ABTB3: variants seen among roughly 807,000 people sequenced by gnomAD.
The protein encoded by ABTB3 is ankyrin repeat and BTB domain containing 3.
the ABTB3 span, among the ~76,000 whole-genome samples, chr12:107,394,338 T>C: frequency 1.3e-5 from 2 of 152,192 alleles, no homozygotes; most frequent in African/African-American, 4.8e-5. Flanking sequence ...GCTTTTTCAT[T>C]AGGAAGGTTT....
chr12:107,603,191 A>G, the ABTB3 span, among the ~76,000 whole-genome samples: 7 of 152,230 alleles, frequency 4.6e-5, no homozygotes, highest in African/African-American at 1.2e-4. Flanking sequence ...AACTTTCTGG[A>G]AAGACTGTAT....
the ABTB3 span, among the ~76,000 whole-genome samples, chr12:107,473,086 G>T: frequency 6.6e-6 from 1 of 152,316 alleles, no homozygotes; most frequent in East Asian, 1.9e-4. Context: ...GTCCTGTGTG[G>T]CAGCTTTGTG....
At chr12:107,553,152 A>T in the ABTB3 span, among the ~76,000 whole-genome samples, 4 of 152,224 alleles carry the variant, frequency 2.6e-5, no homozygotes, top group African/African-American at 9.6e-5. Flanking sequence ...ATGCATGATC[A>T]TTGACACCAT....
At chr12:107,574,197 C>T in the ABTB3 span, among the ~76,000 whole-genome samples, 1 of 152,168 alleles carries the variant, frequency 6.6e-6, no homozygotes, top group Non-Finnish European at 1.5e-5. Flanking sequence ...GCCTCACTTG[C>T]AGCTTGGCAA....
chr12:107,336,215 G>A, the ABTB3 span, among the ~76,000 whole-genome samples: 1 of 152,226 alleles, frequency 6.6e-6, no homozygotes, highest in Non-Finnish European at 1.5e-5. Flanking sequence ...TCCACCTGAT[G>A]GCTCTCAAAG....
At chr12:107,506,963 T>G in the ABTB3 span, among the ~76,000 whole-genome samples, 4 of 152,218 alleles carry the variant, frequency 2.6e-5, no homozygotes, top group Non-Finnish European at 4.4e-5. Flanking sequence ...TATTGTTTTA[T>G]CTCTTTCTTA....
the ABTB3 span, among the ~76,000 whole-genome samples, chr12:107,397,636 C>G: frequency 0.53 from 80,313 of 151,838 alleles, 21,740 homozygotes; most frequent in Middle Eastern, 0.68. Context: ...TCAAATTGAT[C>G]TTTTCTTTTA....
At chr12:107,395,605 C>T in the ABTB3 span, among the ~76,000 whole-genome samples, 2 of 152,224 alleles carry the variant, frequency 1.3e-5, no homozygotes, top group African/African-American at 2.4e-5. Context: ...GCACCCCCTG[C>T]TCAGGTGAGT....
chr12:107,340,112 T>G, the ABTB3 span, among the ~76,000 whole-genome samples: 1 of 152,196 alleles, frequency 6.6e-6, no homozygotes, highest in Non-Finnish European at 1.5e-5. Context: ...AAGTCAACAA[T>G]TAATTATGCT....
At chr12:107,523,607 A>G in the ABTB3 span, among the ~76,000 whole-genome samples, 4 of 152,196 alleles carry the variant, frequency 2.6e-5, no homozygotes, top group African/African-American at 4.8e-5. Context: ...ATAACAAGAT[A>G]TAGCAGCAGG....
chr12:107,533,748 G>A, the ABTB3 span, among the ~76,000 whole-genome samples: 1 of 152,124 alleles, frequency 6.6e-6, no homozygotes. Context: ...AGAAACATCA[G>A]AGTTAAACTG....
the ABTB3 span, chr12:107,318,867 C>G: frequency 2.0e-6 from 3 of 1,470,744 alleles, no homozygotes; most frequent in Non-Finnish European, 2.7e-6. Context: ...CTCCCCGCGC[C>G]CCGCGGCACT....
the ABTB3 span, chr12:107,657,625 G>C: frequency 6.2e-7 from 1 of 1,614,142 alleles, no homozygotes; most frequent in East Asian, 2.2e-5. Context: ...ATGGTGAAGG[G>C]ACCGGCCAGG....
the ABTB3 span, among the ~76,000 whole-genome samples, chr12:107,406,982 GGCTGCTTT>G: frequency 6.6e-6 from 1 of 152,044 alleles, no homozygotes; most frequent in Non-Finnish European, 1.5e-5. Flanking sequence ...CCTGCAATTT[GGCTGCTTT>G]TGACCTTGGG....
the ABTB3 span, among the ~76,000 whole-genome samples, chr12:107,475,621 C>T: frequency 1.3e-5 from 2 of 152,218 alleles, no homozygotes; most frequent in East Asian, 1.9e-4. Context: ...TGTGAATCCA[C>T]AGCTTCTCTG....
the ABTB3 span, among the ~76,000 whole-genome samples, chr12:107,607,970 T>A: frequency 6.6e-6 from 1 of 152,078 alleles, no homozygotes; most frequent in Non-Finnish European, 1.5e-5. Context: ...TCACCCTTAC[T>A]TCCACCACAA....
At chr12:107,563,387 G>A in the ABTB3 span, among the ~76,000 whole-genome samples, 1 of 152,168 alleles carries the variant, frequency 6.6e-6, no homozygotes, top group East Asian at 1.9e-4. Flanking sequence ...TGGGGAGATA[G>A]CAGAACACAT....
chr12:107,404,290 A>G, the ABTB3 span, among the ~76,000 whole-genome samples: 1 of 152,068 alleles, frequency 6.6e-6, no homozygotes, highest in Non-Finnish European at 1.5e-5. Flanking sequence ...TAGCAACCAG[A>G]TTCTATTCTA....
the ABTB3 span, among the ~76,000 whole-genome samples, chr12:107,427,341 G>A: frequency 1.3e-5 from 2 of 152,014 alleles, no homozygotes; most frequent in South Asian, 4.2e-4. Context: ...GAGTGTAGTG[G>A]CACAATCACG....
Sources: allele counts gnomAD v4.1 joint callset (sites outside exome capture counted in the v4.1 genomes callset), GRCh38; gene constraint gnomAD v4.1.1; transcripts MANE v1.5; gene names NCBI Gene and HGNC (gene_info 2026-07-23, HGNC 2026-07-21).